BICRA: variants seen among roughly 807,000 people sequenced by gnomAD.
BICRA encodes the protein BRD4 interacting chromatin remodeling complex associated protein.
Under a neutral mutation model 96.9 loss-of-function variants are expected in BICRA, and 31 were observed. The observed-to-expected ratio is 0.32, with a 90% CI of 0.24 to 0.43. BICRA has a LOEUF of 0.43. Ranked by LOEUF, BICRA falls within the 20% of genes least tolerant of loss-of-function variation. The probability of loss-of-function intolerance (pLI) is 1.00; values close to 1 mark genes in which losing one functional copy is unlikely to be tolerated. For missense variants in BICRA, 2,283 were observed against 2,190.3 expected (o/e 1.04, Z -0.84); for synonymous variants, 1,350 against 1,071.8 (o/e 1.26, Z -5.07).
intron 1 of BICRA, among the ~76,000 whole-genome samples, chr19:47,657,419 C>T (rs1357782535): frequency 9.2e-5 from 13 of 141,326 alleles, no homozygotes; most frequent in Admixed American, 2.1e-4. Context: ...TTTTTTGAGA[C>T]GGAGTCTTGC....
At chr19:47,689,477 C>T (rs943663778) in intron 7 of BICRA, among the ~76,000 whole-genome samples, 16 of 152,046 alleles carry the variant, frequency 1.1e-4, no homozygotes, top group African/African-American at 3.9e-4. Context: ...GTGGCAAGAT[C>T]TTGGCTCACT....
intron 1 of BICRA, among the ~76,000 whole-genome samples, chr19:47,624,932 G>C (rs1972117708): frequency 6.8e-6 from 1 of 147,576 alleles, no homozygotes; most frequent in African/African-American, 2.5e-5. Context: ...GGGCTCAAGT[G>C]ATCCTCCTGA....
chr19:47,640,893 A>AG (rs1412125553), intron 1 of BICRA, among the ~76,000 whole-genome samples: 19 of 125,282 alleles, frequency 1.5e-4, no homozygotes, highest in Admixed American at 4.2e-4. Flanking sequence ...AGTCAGAGTC[A>AG]GATTTTTTTT....
chr19:47,668,229 G>A (rs1302240795), intron 1 of BICRA, among the ~76,000 whole-genome samples: 2 of 152,144 alleles, frequency 1.3e-5, no homozygotes, highest in African/African-American at 4.8e-5. Context: ...CCCGCAGTCA[G>A]CGTGGTTTAT....
intron 7 of BICRA, among the ~76,000 whole-genome samples, chr19:47,692,594 T>A (rs1599862550): frequency 6.6e-6 from 1 of 152,140 alleles, no homozygotes; most frequent in Non-Finnish European, 1.5e-5. Context: ...CCTTTCAAAG[T>A]CCCCAGACCA....
intron 1 of BICRA, among the ~76,000 whole-genome samples, chr19:47,613,403 C>A (rs1971938556): frequency 6.6e-6 from 1 of 152,178 alleles, no homozygotes; most frequent in South Asian, 2.1e-4. Flanking sequence ...TCCAGGCCGC[C>A]TGGGCTTGGA....
intron 1 of BICRA, among the ~76,000 whole-genome samples, chr19:47,651,949 C>T (rs1371840678): frequency 1.3e-5 from 2 of 152,206 alleles, no homozygotes; most frequent in African/African-American, 4.8e-5. Context: ...TGCTCTGGGA[C>T]AGGAACGTTT....
intron 1 of BICRA, among the ~76,000 whole-genome samples, chr19:47,657,478 G>C (rs1442854974): frequency 6.6e-6 from 1 of 150,620 alleles, no homozygotes; most frequent in Non-Finnish European, 1.5e-5. Context: ...CTCACTGCAA[G>C]CTCCGCCTCA....
In BICRA at chr19:47,699,510, C is replaced by T; in HGVS notation, c.3595+105C>T. The stretch of plus-strand genomic sequence containing the variant: ...GGAGTGGGTGTGTGGCCCTACCTCA[C>T]TCCACCACTAGGCGGTGCCCCAGCT... On this transcript the variant is annotated intron_variant, in intron 14 of 14. Transcript: ENST00000594866. The surrounding 1 kb of genome is among the most constrained non-coding windows in gnomAD (Gnocchi z 5.0). 1.4e-6 allele frequency: 1 copy of T among 696,548 alleles called. No homozygotes were observed. Among genetic ancestry groups the T allele is most frequent in the Non-Finnish European group, 2.6e-6 (1 of 390,678 alleles). 43.1% of individuals were successfully genotyped at this position (696,548 alleles called of 1,614,324 possible).
intron 5 of BICRA, chr19:47,678,911 T>C (rs1191225344): frequency 5.3e-6 from 1 of 186,948 alleles, no homozygotes; most frequent in African/African-American, 2.4e-5. Context: ...CTTTTTTTTT[T>C]TTTCTTCTCA....
At position 47,689,402 on chromosome 19, in the gene BICRA, C is replaced by T. The variant is rs182276189; in HGVS notation, c.2284-4713C>T. Among the ~76,000 whole-genome samples the T allele has an allele frequency of 5.0e-3, 765 of 151,628 alleles. 4 individuals carry two copies. The highest frequency in any genetic ancestry group is 0.018 in the African/African-American group (731 of 41,310). ...TACAGGCATGAGCCACTGAGCCTGG[C>T]CTAATTTATTTTTATTTATTTTTTC... On this transcript the variant is annotated intron_variant, in intron 7 of 14. Coordinates refer to ENST00000594866, the MANE Select transcript of BICRA (RefSeq NM_001394372.1).
chr19:47,691,826 G>T (rs1271318841), intron 7 of BICRA, among the ~76,000 whole-genome samples: 1 of 152,118 alleles, frequency 6.6e-6, no homozygotes, highest in Non-Finnish European at 1.5e-5. Context: ...CTCCCAAAGT[G>T]CTGGGATTGC....
At chr19:47,658,768 A>T (rs908524092) in intron 1 of BICRA, among the ~76,000 whole-genome samples, 1 of 152,086 alleles carries the variant, frequency 6.6e-6, no homozygotes, top group Admixed American at 6.6e-5. Context: ...GGACCTGCCG[A>T]TTCCCAGATT....
intron 1 of BICRA, among the ~76,000 whole-genome samples, chr19:47,661,361 G>A (rs1386379378): frequency 6.6e-6 from 1 of 152,118 alleles, no homozygotes; most frequent in Non-Finnish European, 1.5e-5. Flanking sequence ...AAACACCAGG[G>A]CTCATAGCCA....
At chr19:47,611,899 C>G (rs554095635) in intron 1 of BICRA, among the ~76,000 whole-genome samples, 2 of 150,278 alleles carry the variant, frequency 1.3e-5, no homozygotes, top group Non-Finnish European at 3.0e-5. Context: ...GAGACAGAGT[C>G]TCGCTGTGTT....
At chr19:47,651,685 G>C (rs987288639) in intron 1 of BICRA, among the ~76,000 whole-genome samples, 1 of 152,236 alleles carries the variant, frequency 6.6e-6, no homozygotes, top group African/African-American at 2.4e-5. Flanking sequence ...AAAATAGGTC[G>C]CTCTGGCCAC....
At chr19:47,654,041 G>T (rs1326955733) in intron 1 of BICRA, among the ~76,000 whole-genome samples, 1 of 152,212 alleles carries the variant, frequency 6.6e-6, no homozygotes, top group East Asian at 1.9e-4. Flanking sequence ...ACTCTCTTGG[G>T]TCTATAAGTA....
chr19:47,617,196 C>T (rs144879900), intron 1 of BICRA, among the ~76,000 whole-genome samples: 130 of 152,102 alleles, frequency 8.5e-4, no homozygotes, highest in African/African-American at 3.1e-3. Context: ...GGCTGGTCTC[C>T]AACTTCTGGG....
rs370016692 is a variant in BICRA at position 47,680,237 on chromosome 19, C to T, written c.1067C>T (p.Ala356Val). Reference protein sequence around the residue: ...RTPTPIQPKPAGVLPPKLYQL... With the variant: ...RTPTPIQPKPVGVLPPKLYQL... ...CCCACGCCCATCCAGCCCAAGCCCG[C>T]GGGGGTGCTGCCGCCCAAGCTCTAC... The change falls in exon 6 of 15, where the codon GCG (alanine) becomes GTG (valine). Residue 356 changes from alanine to valine, a missense_variant. Ala to Val is a moderately conservative substitution (Grantham distance 64, BLOSUM62 0). Transcript: ENST00000594866. 5 of 1,559,942 alleles carry T rather than the reference C, an allele frequency of 3.2e-6. No individual in the cohort carries two copies. Among genetic ancestry groups the T allele is most frequent in the African/African-American group, 1.4e-5 (1 of 73,284 alleles).
Sources: allele counts gnomAD v4.1 joint callset (sites outside exome capture counted in the v4.1 genomes callset), GRCh38; gene constraint gnomAD v4.1.1; non-coding constraint Gnocchi (gnomAD v3.1); transcripts MANE v1.5; gene names NCBI Gene and HGNC (gene_info 2026-07-23, HGNC 2026-07-21).